TTC6: variants seen among roughly 807,000 people sequenced by gnomAD.
TTC6 encodes the protein tetratricopeptide repeat protein 6.
Under a neutral mutation model 210.4 loss-of-function variants are expected in TTC6, and 172 were observed. The ratio of observed to expected loss-of-function variants is 0.82; its 90% CI spans 0.72 to 0.93. The LOEUF (loss-of-function observed/expected upper bound fraction) is 0.93, where lower values mean the gene tolerates loss of function less well. TTC6 is among the 40% of genes least tolerant of loss of function. TTC6 has a pLI of 0.00. For missense variants in TTC6, 2,414 were observed against 2,318.1 expected (o/e 1.04, Z -0.85); for synonymous variants, 804 against 819.6 (o/e 0.98, Z 0.32).
At chr14:37,735,445 A>G (rs953484688) in intron 7 of TTC6, among the ~76,000 whole-genome samples, 8 of 152,186 alleles carry the variant, frequency 5.3e-5, no homozygotes, top group African/African-American at 1.9e-4. Flanking sequence ...AACAATAAAT[A>G]TATCTACATA....
At chr14:37,622,369 G>T in exon 1 of TTC6, 2 of 1,531,750 alleles carry the variant, frequency 1.3e-6, no homozygotes, top group Non-Finnish European at 1.7e-6. Context: ...CGTCCCTCGG[G>T]CCTGGGTGAG....
chr14:37,641,402 C>A (rs2095691528), intron 1 of TTC6, among the ~76,000 whole-genome samples: 1 of 152,182 alleles, frequency 6.6e-6, no homozygotes, highest in Non-Finnish European at 1.5e-5. Flanking sequence ...AGCTAGCCAA[C>A]CACAATCATG....
chr14:37,659,824 G>T (rs897430642), intron 1 of TTC6, among the ~76,000 whole-genome samples: 1 of 151,980 alleles, frequency 6.6e-6, no homozygotes, highest in South Asian at 2.1e-4. Context: ...CTTGGCCTTC[G>T]TTGTGGTTTT....
chr14:37,702,479 A>AT (rs948193001), intron 5 of TTC6, among the ~76,000 whole-genome samples: 2 of 152,154 alleles, frequency 1.3e-5, no homozygotes, highest in Non-Finnish European at 2.9e-5. Context: ...CAAAGCACCA[A>AT]TTTTTACCTC....
chr14:37,667,915 T>C (rs756226278), intron 1 of TTC6, among the ~76,000 whole-genome samples: 1 of 150,278 alleles, frequency 6.7e-6, no homozygotes, highest in Non-Finnish European at 1.5e-5. Flanking sequence ...AGCGGGTGGA[T>C]CATGAGGTCA....
intron 1 of TTC6, among the ~76,000 whole-genome samples, chr14:37,644,765 C>T (rs530770265): frequency 6.6e-6 from 1 of 152,262 alleles, no homozygotes; most frequent in South Asian, 2.1e-4. Context: ...TTATGTGACA[C>T]AGTTTTTAGC....
intron 2 of TTC6, among the ~76,000 whole-genome samples, chr14:37,682,546 G>C (rs910993643): frequency 1.3e-5 from 2 of 152,096 alleles, no homozygotes; most frequent in Non-Finnish European, 1.5e-5. Context: ...TCTGAGACAA[G>C]GGCTGAGGAA....
At chr14:37,725,294 A>ATG (rs1251519630) in intron 7 of TTC6, among the ~76,000 whole-genome samples, 6 of 76,116 alleles carry the variant, frequency 7.9e-5, no homozygotes, top group African/African-American at 1.8e-4. Context: ...TTATATATGT[A>ATG]TGTATGTGTG....
chr14:37,685,405 A>G (rs752899826), intron 3 of TTC6, among the ~76,000 whole-genome samples: 8 of 152,338 alleles, frequency 5.3e-5, no homozygotes, highest in African/African-American at 1.7e-4. Flanking sequence ...GTTTAGTCCT[A>G]TGAATAATGT....
intron 14 of TTC6, among the ~76,000 whole-genome samples, chr14:37,760,338 A>G (rs2095980316): frequency 6.6e-6 from 1 of 152,176 alleles, no homozygotes; most frequent in Non-Finnish European, 1.5e-5. Flanking sequence ...GAGGCTGCAG[A>G]AAAGCAGTTT....
At chr14:37,651,436 TTTTTTTTTTTTTTTTTTC>T (rs1471952444) in intron 1 of TTC6, among the ~76,000 whole-genome samples, 42 of 48,806 alleles carry the variant, frequency 8.6e-4, no homozygotes, top group African/African-American at 2.2e-3. Flanking sequence ...TTTTTTTTTT[TTTTTTTTTTTTTTTTTTC>T]CATCCATGAT....
intron 29 of TTC6, among the ~76,000 whole-genome samples, chr14:37,836,409 A>G (rs1229873179): frequency 6.6e-6 from 1 of 152,160 alleles, no homozygotes; most frequent in Non-Finnish European, 1.5e-5. Flanking sequence ...GCAATTTTCT[A>G]TTTCCATAGA....
chr14:37,674,167 G>A (rs1323526985), intron 1 of TTC6, among the ~76,000 whole-genome samples: 1 of 151,294 alleles, frequency 6.6e-6, no homozygotes, highest in Non-Finnish European at 1.5e-5. Context: ...CACTGTTTTG[G>A]TAGTTTATAA....
At chr14:37,601,511 G>C (rs1814343909) in intron 1 of TTC6, among the ~76,000 whole-genome samples, 2 of 152,182 alleles carry the variant, frequency 1.3e-5, no homozygotes, top group East Asian at 1.9e-4. Flanking sequence ...AAGTCCCCAA[G>C]TGAGAGGATC....
At chr14:37,802,756 T>C (rs543298167) in intron 20 of TTC6, among the ~76,000 whole-genome samples, 51 of 149,628 alleles carry the variant, frequency 3.4e-4, no homozygotes, top group African/African-American at 1.2e-3. Context: ...TTTTTTGAGA[T>C]GGAGTCTTGC....
intron 14 of TTC6, among the ~76,000 whole-genome samples, chr14:37,784,544 C>G (rs1173143608): frequency 4.6e-5 from 7 of 152,272 alleles, no homozygotes; most frequent in African/African-American, 1.7e-4. Flanking sequence ...CTCCTGAACA[C>G]AGCACACTGA....
intron 1 of TTC6, among the ~76,000 whole-genome samples, chr14:37,677,941 A>C (rs975687240): frequency 1.3e-5 from 2 of 151,698 alleles, no homozygotes; most frequent in Admixed American, 6.6e-5. Flanking sequence ...TTGAACACTT[A>C]TAATATTTAT....
At chr14:37,607,299 C>A (rs1439565836) in intron 2 of TTC6, among the ~76,000 whole-genome samples, 1 of 152,132 alleles carries the variant, frequency 6.6e-6, no homozygotes, top group African/African-American at 2.4e-5. Flanking sequence ...TTGTGTGTTC[C>A]CCAAGGCCTC....
At chr14:37,724,808 C>G (rs1332394200) in intron 6 of TTC6, 90 bp from the exon 9 acceptor site, 6 of 692,174 alleles carry the variant, frequency 8.7e-6, no homozygotes, top group Non-Finnish European at 1.3e-5. Flanking sequence ...AAATTCTCAG[C>G]AACTAAAAAT....
Sources: allele counts gnomAD v4.1 joint callset (sites outside exome capture counted in the v4.1 genomes callset), GRCh38; gene constraint gnomAD v4.1.1; transcripts MANE v1.5; gene names NCBI Gene and HGNC (gene_info 2026-07-23, HGNC 2026-07-21).